Variants in ASNS observed in about 807,000 individuals in gnomAD.
The protein encoded by ASNS is asparagine synthetase [glutamine-hydrolyzing].
A neutral mutation model predicts 62.6 loss-of-function variants in ASNS; 37 were observed. The observed-to-expected ratio is 0.59, with a 90% CI of 0.45 to 0.78. The LOEUF is 0.78. ASNS is among the 30% of genes least tolerant of loss of function. The pLI is 0.00. For synonymous variants in ASNS, 207 were observed against 237.9 expected, an observed-to-expected ratio of 0.87 and a Z score of 1.19; for missense variants, 520 against 682.4, an observed-to-expected ratio of 0.76 and a Z score of 2.65.
At chr7:97,911,485 T>C in the ASNS span, among the ~76,000 whole-genome samples, 1 of 146,646 alleles carries the variant, frequency 6.8e-6, no homozygotes, top group Admixed American at 6.9e-5. Flanking sequence ...CTACAAAAAA[T>C]AAACAAATTA....
At chr7:97,880,843 G>A in the ASNS span, among the ~76,000 whole-genome samples, 1 of 152,150 alleles carries the variant, frequency 6.6e-6, no homozygotes, top group Non-Finnish European at 1.5e-5. Flanking sequence ...CCCAGTGCCC[G>A]GGCTCTGCAG....
chr7:97,865,944 C>T (rs144316959), intron 3 of ASNS, among the ~76,000 whole-genome samples: 3 of 152,046 alleles, frequency 2.0e-5, no homozygotes, highest in Admixed American at 6.6e-5. Context: ...AAATAAACTG[C>T]GTGTTTTACA....
chr7:97,892,737 T>C, the ASNS span, among the ~76,000 whole-genome samples: 2 of 152,330 alleles, frequency 1.3e-5, no homozygotes, highest in South Asian at 4.1e-4. Context: ...TTGTGCCAGT[T>C]CCTAACAAGT....
the ASNS span, among the ~76,000 whole-genome samples, chr7:97,927,274 A>C: frequency 6.6e-6 from 1 of 151,988 alleles, no homozygotes; most frequent in African/African-American, 2.4e-5. Context: ...GCAAAAACAC[A>C]CCAAGGCATG....
At chr7:97,863,334 A>T (rs7781469) in intron 4 of ASNS, 65,265 of 152,084 alleles carry the variant, frequency 0.43, 14,247 homozygotes, top group East Asian at 0.55. Context: ...GGCATAGACA[A>T]ATCTTGAAAG....
the ASNS span, chr7:97,908,463 A>G: frequency 6.6e-6 from 1 of 152,122 alleles, no homozygotes; most frequent in African/African-American, 2.4e-5. Flanking sequence ...GTGCAGTGGT[A>G]CGATCTCAGC....
chr7:97,873,206 CTTT>C (rs1792362045), upstream of ASNS, among the ~76,000 whole-genome samples: 1 of 152,182 alleles, frequency 6.6e-6, no homozygotes, highest in African/African-American at 2.4e-5. Context: ...TGATTATGTG[CTTT>C]TAAGTATCTC....
the ASNS span, chr7:97,908,779 G>C: frequency 6.6e-6 from 1 of 151,674 alleles, no homozygotes; most frequent in Non-Finnish European, 1.5e-5. Context: ...TGTATTATAG[G>C]TATCCAAATA....
the ASNS span, among the ~76,000 whole-genome samples, chr7:97,882,615 CAG>C: frequency 1.5e-5 from 2 of 131,204 alleles, no homozygotes; most frequent in Non-Finnish European, 3.4e-5. Context: ...CATTGACTTA[CAG>C]AGAGAGATTA....
chr7:97,925,327 G>A, the ASNS span, among the ~76,000 whole-genome samples: 1 of 151,966 alleles, frequency 6.6e-6, no homozygotes, highest in Admixed American at 6.6e-5. Flanking sequence ...GGTACAGCAG[G>A]GACCCAAGCT....
At chr7:97,891,021 G>T in the ASNS span, among the ~76,000 whole-genome samples, 1 of 152,096 alleles carries the variant, frequency 6.6e-6, no homozygotes, top group Non-Finnish European at 1.5e-5. Flanking sequence ...AGGAACAAAG[G>T]TGTATTAGTC....
At chr7:97,917,664 T>G in the ASNS span, among the ~76,000 whole-genome samples, 2 of 152,228 alleles carry the variant, frequency 1.3e-5, no homozygotes, top group South Asian at 2.1e-4. Context: ...CCCACTTCTT[T>G]CCTCTGTTTC....
chr7:97,859,476 A>C, intron 4 of ASNS, 78 bp from the exon 5 acceptor site: 1 of 1,427,640 alleles, frequency 7.0e-7, no homozygotes, highest in Non-Finnish European at 9.4e-7. Flanking sequence ...AACATCATCT[A>C]CATTCCTATT....
At chr7:97,892,918 C>A in the ASNS span, among the ~76,000 whole-genome samples, 3 of 152,352 alleles carry the variant, frequency 2.0e-5, no homozygotes, top group South Asian at 2.1e-4. Context: ...TCCAAAGTCA[C>A]TTCCACATAT....
the ASNS span, among the ~76,000 whole-genome samples, chr7:97,881,384 C>A: frequency 6.6e-6 from 1 of 151,400 alleles, no homozygotes; most frequent in African/African-American, 2.4e-5. Flanking sequence ...ACACCCCCCG[C>A]CCCCCCAAAA....
chr7:97,881,365 T>C, the ASNS span, among the ~76,000 whole-genome samples: 128 of 151,552 alleles, frequency 8.4e-4, no homozygotes, highest in Middle Eastern at 3.4e-3. Context: ...TTCCAAAACA[T>C]TTTCATTAAC....
chr7:97,928,105 G>A, the ASNS span: 1 of 1,529,288 alleles, frequency 6.5e-7, no homozygotes, highest in African/African-American at 1.4e-5. Context: ...CCACCTGTCT[G>A]GGTGCCGGTC....
chr7:97,859,463 G>A, intron 4 of ASNS, 65 bp from the exon 5 acceptor site: 1 of 1,471,254 alleles, frequency 6.8e-7, no homozygotes, highest in Non-Finnish European at 9.1e-7. Flanking sequence ...TTCACGATTA[G>A]TTAACATCAT....
chr7:97,882,653 G>A, the ASNS span, among the ~76,000 whole-genome samples: 2 of 131,590 alleles, frequency 1.5e-5, no homozygotes, highest in African/African-American at 2.6e-5. Context: ...AAATACCACC[G>A]ATATGAACAC....
Sources: allele counts gnomAD v4.1 joint callset (sites outside exome capture counted in the v4.1 genomes callset), GRCh38; gene constraint gnomAD v4.1.1; transcripts MANE v1.5; gene names NCBI Gene and HGNC (gene_info 2026-07-23, HGNC 2026-07-21).